The following LMCD1 variants were observed in gnomAD, a reference collection of about 807,000 sequenced individuals.
LMCD1 encodes LIM and cysteine-rich domains protein 1.
Under a neutral mutation model 42.7 loss-of-function variants are expected in LMCD1, and 32 were observed. The observed-to-expected ratio is 0.75, with a 90% confidence interval of 0.57 to 1.01. LMCD1 has a LOEUF of 1.01. Ranked by LOEUF, LMCD1 falls within the 50% of genes least tolerant of loss-of-function variation. The probability of loss-of-function intolerance (pLI) is 0.00; values close to 1 mark genes in which losing one functional copy is unlikely to be tolerated. For synonymous variants in LMCD1, 178 were observed against 184.9 expected (o/e 0.96, Z 0.30); for missense variants, 458 against 483.1 (o/e 0.95, Z 0.49).
chr3:8,555,809 G>A (rs1181380194), intron 4 of LMCD1, among the ~76,000 whole-genome samples: 11 of 136,426 alleles, frequency 8.1e-5, no homozygotes. Flanking sequence ...AGGGCATATA[G>A]TGAATATTGA....
At chr3:8,560,074 T>C (rs981500536) in intron 4 of LMCD1, among the ~76,000 whole-genome samples, 1 of 152,180 alleles carries the variant, frequency 6.6e-6, no homozygotes, top group Non-Finnish European at 1.5e-5. Flanking sequence ...CTCCCTACAG[T>C]GCAAATTAGA....
intron 5 of LMCD1, 68 bp downstream of exon 5, chr3:8,565,715 C>A: frequency 7.1e-7 from 1 of 1,405,914 alleles, no homozygotes; most frequent in Non-Finnish European, 9.8e-7. Context: ...GCCCAGAGGC[C>A]AAGAGGAGCA....
chr3:8,545,076 G>A (rs948340467), intron 3 of LMCD1, among the ~76,000 whole-genome samples: 2 of 152,154 alleles, frequency 1.3e-5, no homozygotes, highest in Non-Finnish European at 2.9e-5. Flanking sequence ...CATATTAATG[G>A]GGAAATGTTA....
At chr3:8,561,382 T>G (rs1020218693) in intron 4 of LMCD1, among the ~76,000 whole-genome samples, 27 of 61,232 alleles carry the variant, frequency 4.4e-4, no homozygotes, top group African/African-American at 2.8e-3. Context: ...GAGCACAGAG[T>G]TTTTTTTTTT....
At chr3:8,523,799 C>T (rs978475428) in intron 1 of LMCD1, among the ~76,000 whole-genome samples, 1 of 152,206 alleles carries the variant, frequency 6.6e-6, no homozygotes, top group African/African-American at 2.4e-5. Flanking sequence ...CATTGTTCAC[C>T]TTCCCTCAGC....
intron 4 of LMCD1, 80 bp downstream of exon 4, chr3:8,548,983 T>C (rs1694790956): frequency 1.9e-6 from 2 of 1,044,852 alleles, no homozygotes; most frequent in Non-Finnish European, 1.3e-6. Flanking sequence ...TCACGGGGCT[T>C]TGTTCCCTCA....
Position 8,546,410 on chromosome 3 carries a change from G to A in LMCD1, c.388-2158G>A, listed in dbSNP as rs1694735656. Among the ~76,000 whole-genome samples the A allele has an allele frequency of 2.0e-5, 3 of 152,204 alleles. No homozygotes were observed. In the South Asian group the frequency reaches 6.2e-4, roughly 32 times the overall value. On this transcript the variant is annotated intron_variant, in intron 3 of 5. Transcript: ENST00000157600. ...CTGTGGTTGGAGCAGCTTGGTAGGC[G>A]CTGTGGTTCTTTTAAGTAATCCTAT...
chr3:8,529,187 C>T (rs1694356877), intron 1 of LMCD1, among the ~76,000 whole-genome samples: 1 of 152,280 alleles, frequency 6.6e-6, no homozygotes, highest in Middle Eastern at 3.4e-3. Context: ...CCTCAGTAAA[C>T]AAGATCGTTC....
intron 4 of LMCD1, among the ~76,000 whole-genome samples, chr3:8,557,768 C>T (rs1057256253): frequency 1.3e-5 from 2 of 152,224 alleles, no homozygotes; most frequent in Admixed American, 1.3e-4. Flanking sequence ...AGGCATATGG[C>T]TGAAACCAAC....
intron 4 of LMCD1, among the ~76,000 whole-genome samples, chr3:8,557,249 A>G (rs923398455): frequency 2.0e-5 from 3 of 152,236 alleles, no homozygotes; most frequent in Admixed American, 6.5e-5. Flanking sequence ...AAACACACAC[A>G]TAAAAACCTC....
At chr3:8,503,665 C>T (rs1479429063) in intron 1 of LMCD1, among the ~76,000 whole-genome samples, 1 of 152,198 alleles carries the variant, frequency 6.6e-6, no homozygotes, top group African/African-American at 2.4e-5. Flanking sequence ...AATATCTGTC[C>T]AGCTAAGACC....
rs755242155 is a variant in LMCD1 at position 8,569,521 on chromosome 3, AGATGTTAC to A, written c.*1925_*1932del. On this transcript the variant is annotated 3_prime_UTR_variant, in exon 6 of 6. Coordinates refer to ENST00000157600, the MANE Select transcript of LMCD1 (RefSeq NM_014583.4). ...AAAGAACAGTGACCCCTACGCCCAT[AGATGTTAC>A]GGTCTGTGGGGGAGATGGGCCTCAA... 1.3e-5 allele frequency: 2 copies of A among 152,204 alleles called. No homozygotes were observed. Among genetic ancestry groups the A allele is most frequent in the Non-Finnish European group, 2.9e-5 (2 of 68,056 alleles). 9.4% of individuals were successfully genotyped at this position (152,204 alleles called of 1,614,324 possible).
intron 2 of LMCD1, among the ~76,000 whole-genome samples, chr3:8,533,867 A>G (rs78688930): frequency 0.16 from 23,810 of 151,582 alleles, 1,910 homozygotes; most frequent in East Asian, 0.24. Context: ...TCAGAGCAGA[A>G]CACTGTTCCC....
chr3:8,532,821 T>G lies in LMCD1; in HGVS notation c.127T>G (p.Trp43Gly), dbSNP rs1220361460. Residue 43 changes from tryptophan (W) to glycine (G), a missense_variant, in exon 2 of 6, where the codon TGG becomes GGG. Coordinates refer to ENST00000157600, the MANE Select transcript of LMCD1 (RefSeq NM_014583.4). ...GTCSGFEPHS[W>G]RKICKSCKCS... The stretch of plus-strand genomic sequence containing the variant: ...GTGTTCGGGCTTCGAGCCACATTCA[T>G]GGAGGTAACAGATTTTGTCAGGAGG... The G allele has an allele frequency of 1.2e-6, 2 of 1,613,462 alleles. No individual in the cohort carries two copies. Among genetic ancestry groups the G allele is most frequent in the South Asian group, 2.2e-5 (2 of 91,004 alleles).
rs970919409 is a variant in LMCD1 at position 8,554,433 on chromosome 3, G to A, written c.723+5530G>A. Reference sequence around the variant, plus strand: ...TTTAGGTTCTCCAGGGTGGGCAGCCGTGTATGGGGTAGCTTGCAGCTCAGC... The same window carrying A: ...TTTAGGTTCTCCAGGGTGGGCAGCCATGTATGGGGTAGCTTGCAGCTCAGC... On this transcript the variant is annotated intron_variant, in intron 4 of 5. Transcript: ENST00000157600. Among the ~76,000 whole-genome samples the A allele has an allele frequency of 2.9e-4, 44 of 152,298 alleles. 1 individual carries two copies. Among genetic ancestry groups the A allele is most frequent in the Non-Finnish European group, 4.7e-4 (32 of 68,026 alleles).
At chr3:8,543,448 C>T (rs577044920) in intron 3 of LMCD1, among the ~76,000 whole-genome samples, 11 of 145,266 alleles carry the variant, frequency 7.6e-5, no homozygotes, top group Admixed American at 5.5e-4. Flanking sequence ...GATAGACAGA[C>T]AGACAGAGAG....
intron 1 of LMCD1, among the ~76,000 whole-genome samples, chr3:8,531,132 C>A (rs953504698): frequency 6.6e-6 from 1 of 152,194 alleles, no homozygotes; most frequent in Non-Finnish European, 1.5e-5. Flanking sequence ...CTACCACTGG[C>A]AATGAGGATG....
rs1695239929 is a variant in LMCD1, at chr3:8,572,815, C to T, written c.*5217C>T. 6.6e-6 allele frequency: 1 copy of T among 152,212 alleles called. No homozygotes were observed. Among genetic ancestry groups the T allele is most frequent in the Non-Finnish European group, 1.5e-5 (1 of 68,040 alleles). 9.4% of individuals were successfully genotyped at this position (152,212 alleles called of 1,614,324 possible). On this transcript the variant is annotated 3_prime_UTR_variant, in exon 6 of 6. Coordinates refer to ENST00000157600, the MANE Select transcript of LMCD1 (RefSeq NM_014583.4). ...ACACATTTTACATCTGGCACAATAA[C>T]GTGCTACATACCCATCTTGTATTTT... is the stretch of plus-strand genomic sequence containing the variant.
At chr3:8,539,792 A>ATTTTTT (rs201628148) in intron 3 of LMCD1, among the ~76,000 whole-genome samples, 1 of 128,614 alleles carries the variant, frequency 7.8e-6, no homozygotes, top group Non-Finnish European at 1.6e-5. Flanking sequence ...CCTTCCCAAC[A>ATTTTTT]TTTTTATTAT....
Sources: gnomAD v4.1 joint callset for allele counts (sites outside exome capture counted in the v4.1 genomes callset) on GRCh38, gnomAD v4.1.1 for gene constraint, MANE v1.5 for transcripts, NCBI Gene and HGNC (gene_info 2026-07-23, HGNC 2026-07-21) for gene names.